Variants in KIAA1217 observed in about 807,000 individuals in gnomAD.
KIAA1217 encodes KIAA1217, also known as sickle tail protein homolog.
Under a neutral mutation model 163.9 loss-of-function variants are expected in KIAA1217, and 88 were observed. That is an observed-to-expected ratio of 0.54 (90% confidence interval 0.45 to 0.64). The LOEUF (loss-of-function observed/expected upper bound fraction) is 0.64. Ranked by LOEUF, KIAA1217 falls within the 30% of genes least tolerant of loss-of-function variation. The pLI, the probability that KIAA1217 is intolerant of heterozygous loss-of-function variation, is 0.00. For synonymous variants in KIAA1217, 903 were observed against 923.1 expected, an observed-to-expected ratio of 0.98 and a Z score of 0.39; for missense variants, 2,372 against 2,475.0, an observed-to-expected ratio of 0.96 and a Z score of 0.88.
At chr10:24,026,845 T>C (rs988940565) in intron 2 of KIAA1217, among the ~76,000 whole-genome samples, 5 of 151,450 alleles carry the variant, frequency 3.3e-5, no homozygotes, top group African/African-American at 1.2e-4. Flanking sequence ...CTTGAGACTT[T>C]TCTTATTTTC....
intron 2 of KIAA1217, among the ~76,000 whole-genome samples, chr10:24,372,682 C>G (rs12265227): frequency 0.16 from 24,538 of 152,000 alleles, 2,282 homozygotes; most frequent in South Asian, 0.3. Flanking sequence ...TACCCGTAAT[C>G]CCACCATCAA....
chr10:24,445,019 A>C lies in KIAA1217; in HGVS notation c.846+6540A>C, dbSNP rs574526303. On this transcript the variant is annotated intron_variant, in intron 5 of 20. Coordinates refer to ENST00000376454, the MANE Select transcript of KIAA1217 (RefSeq NM_019590.5). Reference sequence around the variant, plus strand: ...TCTTGGTGCAATCTATCAGGATATAAATAGTATTCATTCTCTACCATCGTT... The same window carrying C: ...TCTTGGTGCAATCTATCAGGATATACATAGTATTCATTCTCTACCATCGTT... 6.6e-5 allele frequency among the ~76,000 whole-genome samples: 10 copies of C among 152,362 alleles called. No individual in the cohort carries two copies. The South Asian group carries it at 1.5e-3, about 22-fold the overall frequency.
chr10:23,997,994 T>C (rs188919256), intron 1 of KIAA1217, among the ~76,000 whole-genome samples: 3,385 of 142,666 alleles, frequency 0.024, 37 homozygotes, highest in Non-Finnish European at 0.038. Flanking sequence ...TTTTTTTTTT[T>C]CCCCCCAAAA....
At chr10:24,128,369 T>C (rs1043054843) in intron 2 of KIAA1217, among the ~76,000 whole-genome samples, 1 of 152,214 alleles carries the variant, frequency 6.6e-6, no homozygotes, top group African/African-American at 2.4e-5. Context: ...CTAGATTATG[T>C]AACTTGCTTT....
At chr10:23,843,460 G>C (rs943440817) in intron 1 of KIAA1217, among the ~76,000 whole-genome samples, 5 of 152,042 alleles carry the variant, frequency 3.3e-5, no homozygotes, top group Non-Finnish European at 5.9e-5. Flanking sequence ...CTTCCTCTCT[G>C]ATCCTGTTCT....
chr10:23,992,872 G>T (rs1846279225), intron 1 of KIAA1217, among the ~76,000 whole-genome samples: 1 of 151,776 alleles, frequency 6.6e-6, no homozygotes, highest in South Asian at 2.1e-4. Flanking sequence ...AGGAAGAAAG[G>T]CCACCCTTAA....
At chr10:24,253,053 C>T (rs530832363) in intron 2 of KIAA1217, among the ~76,000 whole-genome samples, 4 of 151,424 alleles carry the variant, frequency 2.6e-5, no homozygotes, top group East Asian at 1.9e-4. Flanking sequence ...TGCAAACAGC[C>T]GGGCAAAGAG....
intron 2 of KIAA1217, among the ~76,000 whole-genome samples, chr10:24,021,734 G>C (rs1246835028): frequency 6.6e-6 from 1 of 151,756 alleles, no homozygotes; most frequent in Non-Finnish European, 1.5e-5. Context: ...AAGACAGGGT[G>C]GTATTTGTAA....
chr10:24,271,036 T>C (rs1468547575), intron 2 of KIAA1217, among the ~76,000 whole-genome samples: 1 of 152,204 alleles, frequency 6.6e-6, no homozygotes, highest in Non-Finnish European at 1.5e-5. Flanking sequence ...ATGGAGAAAA[T>C]GATTGAGGTT....
intron 2 of KIAA1217, among the ~76,000 whole-genome samples, chr10:24,138,348 T>C (rs2063914620): frequency 6.6e-6 from 1 of 151,954 alleles, no homozygotes; most frequent in Admixed American, 6.5e-5. Context: ...GGAGTCTGAC[T>C]GTGTTTCCCA....
intron 2 of KIAA1217, among the ~76,000 whole-genome samples, chr10:24,321,406 G>C (rs964743087): frequency 1.3e-5 from 2 of 152,056 alleles, no homozygotes; most frequent in African/African-American, 2.4e-5. Context: ...GGGCGTAGTG[G>C]TGCATGCCTG....
In KIAA1217 at chr10:23,945,978, AGCTTACTCTAGT is replaced by A. The variant is rs1844020949; in HGVS notation, c.-320-61245_-320-61234del. On this transcript the variant is annotated intron_variant, in intron 1 of 18. Coordinates refer to the KIAA1217 transcript ENST00000376462. Reference sequence around the variant, plus strand: ...ACATCCTGAGACTATTTGACTGTAGAGCTTACTCTAGTGGTTACTTAAGTTCCATGTCAATAG... The same window carrying A: ...ACATCCTGAGACTATTTGACTGTAGAGGTTACTTAAGTTCCATGTCAATAG... Among the ~76,000 whole-genome samples the A allele has an allele frequency of 2.6e-5, 4 of 152,284 alleles. No homozygotes were observed. The South Asian group carries it at 8.3e-4, about 32-fold the overall frequency.
chr10:23,746,221 A>T (rs557956219), intron 1 of KIAA1217, among the ~76,000 whole-genome samples: 1 of 152,226 alleles, frequency 6.6e-6, no homozygotes, highest in East Asian at 1.9e-4. Context: ...TGGCACCTCC[A>T]TCCCCTCTGT....
At chr10:24,282,676 T>C (rs1158701425) in intron 2 of KIAA1217, among the ~76,000 whole-genome samples, 1 of 152,042 alleles carries the variant, frequency 6.6e-6, no homozygotes, top group African/African-American at 2.4e-5. Flanking sequence ...GGTTCTTTGT[T>C]TTTTGTTGTT....
At chr10:24,080,815 T>C (rs1208598401) in intron 2 of KIAA1217, among the ~76,000 whole-genome samples, 2 of 152,208 alleles carry the variant, frequency 1.3e-5, no homozygotes, top group South Asian at 2.1e-4. Context: ...AATAGTTTAG[T>C]AAGTGTTTTT....
At chr10:24,338,290 A>G (rs1287570337) in intron 2 of KIAA1217, among the ~76,000 whole-genome samples, 1 of 152,190 alleles carries the variant, frequency 6.6e-6, no homozygotes, top group Non-Finnish European at 1.5e-5. Context: ...ACATATATCT[A>G]TGCAGGTGCA....
chr10:24,307,917 G>A (rs1468655263), intron 2 of KIAA1217, among the ~76,000 whole-genome samples: 1 of 152,252 alleles, frequency 6.6e-6, no homozygotes, highest in Admixed American at 6.5e-5. Flanking sequence ...CTTTGCGATG[G>A]AGAGAAACAA....
chr10:24,086,728 T>A (rs2061710776), intron 2 of KIAA1217, among the ~76,000 whole-genome samples: 1 of 152,116 alleles, frequency 6.6e-6, no homozygotes, highest in Admixed American at 6.5e-5. Flanking sequence ...AACATCAAAA[T>A]TAGCAATAAA....
intron 1 of KIAA1217, among the ~76,000 whole-genome samples, chr10:23,953,184 T>A (rs1274883458): frequency 6.6e-6 from 1 of 152,174 alleles, no homozygotes. Context: ...GGCTTTGGAG[T>A]CAGCCCAATG....
Sources: allele counts gnomAD v4.1 joint callset (sites outside exome capture counted in the v4.1 genomes callset), GRCh38; gene constraint gnomAD v4.1.1; transcripts MANE v1.5; gene names NCBI Gene and HGNC (gene_info 2026-07-23, HGNC 2026-07-21).